Variants in DOCK2 observed in about 807,000 individuals in gnomAD.
DOCK2 encodes the protein dedicator of cytokinesis protein 2.
A neutral mutation model predicts 248.9 loss-of-function variants in DOCK2; 87 were observed. The observed-to-expected ratio is 0.35, with a 90% CI of 0.29 to 0.42. DOCK2 has a LOEUF of 0.42. DOCK2 is among the 10% of genes least tolerant of loss of function. DOCK2 has a pLI of 1.00. For synonymous variants in DOCK2, 805 were observed against 821.6 expected, an observed-to-expected ratio of 0.98 and a Z score of 0.35; for missense variants, 1,747 against 2,300.2, an observed-to-expected ratio of 0.76 and a Z score of 4.92.
chr5:170,068,574 G>C (rs562790343), intron 45 of DOCK2, among the ~76,000 whole-genome samples: 8 of 152,162 alleles, frequency 5.3e-5, no homozygotes, highest in Non-Finnish European at 8.8e-5. Context: ...CCTTTGCTCA[G>C]CCTTGAGCAG....
intron 22 of DOCK2, among the ~76,000 whole-genome samples, chr5:169,719,543 C>T (rs1342910323): frequency 6.6e-6 from 1 of 152,188 alleles, no homozygotes; most frequent in Non-Finnish European, 1.5e-5. Context: ...TATTTCACAT[C>T]ATTGAAAAAC....
At chr5:169,696,896 G>A (rs188873680) in intron 10 of DOCK2, among the ~76,000 whole-genome samples, 4 of 151,680 alleles carry the variant, frequency 2.6e-5, no homozygotes, top group African/African-American at 4.8e-5. Context: ...ATTTTCCCCA[G>A]AGCCTTAGTT....
At chr5:170,026,407 A>C (rs1228640643) in intron 33 of DOCK2, among the ~76,000 whole-genome samples, 2 of 152,120 alleles carry the variant, frequency 1.3e-5, no homozygotes, top group Admixed American at 1.3e-4. Context: ...GTCACATTTA[A>C]AGGTGATCCG....
chr5:170,022,359 C>A (rs1396113321), intron 33 of DOCK2, among the ~76,000 whole-genome samples: 1 of 152,202 alleles, frequency 6.6e-6, no homozygotes, highest in African/African-American at 2.4e-5. Context: ...GAGGCAACCC[C>A]AGGGCAATCT....
intron 27 of DOCK2, among the ~76,000 whole-genome samples, chr5:169,926,246 T>A (rs1236639252): frequency 6.6e-6 from 1 of 152,206 alleles, no homozygotes; most frequent in Non-Finnish European, 1.5e-5. Context: ...ACTCACCTGA[T>A]TGTCTCTCAC....
At chr5:169,954,162 T>C (rs147954850) in intron 27 of DOCK2, among the ~76,000 whole-genome samples, 1 of 152,354 alleles carries the variant, frequency 6.6e-6, no homozygotes, top group African/African-American at 2.4e-5. Flanking sequence ...TGCTGTAGTA[T>C]GTTTAAAAGA....
intron 27 of DOCK2, chr5:169,934,893 T>C (rs919653604): frequency 4.0e-5 from 14 of 347,398 alleles, no homozygotes; most frequent in Non-Finnish European, 7.4e-5. Flanking sequence ...TTACACTTGA[T>C]ATTTATTCTG....
intron 15 of DOCK2, among the ~76,000 whole-genome samples, chr5:169,709,841 A>G (rs2113515639): frequency 6.6e-6 from 1 of 152,346 alleles, no homozygotes; most frequent in Non-Finnish European, 1.5e-5. Context: ...AGAGCCCTTG[A>G]GATGTAAATG....
intron 25 of DOCK2, among the ~76,000 whole-genome samples, chr5:169,778,620 G>A (rs964917196): frequency 6.6e-6 from 1 of 152,162 alleles, no homozygotes; most frequent in African/African-American, 2.4e-5. Context: ...TACTTGCCTG[G>A]TAGAGTCATT....
chr5:170,076,789 C>G (rs934117325), intron 47 of DOCK2, among the ~76,000 whole-genome samples: 1 of 152,160 alleles, frequency 6.6e-6, no homozygotes, highest in African/African-American at 2.4e-5. Context: ...TCTCTTGATT[C>G]AAAGATTTTT....
chr5:169,701,235 C>A (rs568601816), intron 13 of DOCK2, among the ~76,000 whole-genome samples: 1 of 152,354 alleles, frequency 6.6e-6, no homozygotes, highest in South Asian at 2.1e-4. Context: ...TTGCCCGATT[C>A]TAGAATTGCA....
chr5:170,064,880 C>T (rs1757439493), intron 44 of DOCK2, among the ~76,000 whole-genome samples: 2 of 152,102 alleles, frequency 1.3e-5, no homozygotes, highest in African/African-American at 4.8e-5. Context: ...GTTCTTCAAG[C>T]TGAAGGAAGA....
intron 22 of DOCK2, among the ~76,000 whole-genome samples, chr5:169,734,286 C>T (rs1762925822): frequency 6.6e-6 from 1 of 151,960 alleles, no homozygotes; most frequent in Non-Finnish European, 1.5e-5. Flanking sequence ...TATTTTCAAG[C>T]ATCTTTTTAA....
At chr5:169,638,210 G>A (rs577119812) in intron 1 of DOCK2, among the ~76,000 whole-genome samples, 4 of 152,300 alleles carry the variant, frequency 2.6e-5, no homozygotes, top group African/African-American at 9.6e-5. Flanking sequence ...TTTCGCAGGT[G>A]AGGCATTGGA....
intron 25 of DOCK2, among the ~76,000 whole-genome samples, chr5:169,766,994 G>A (rs865958840): frequency 1.5e-4 from 23 of 152,288 alleles, no homozygotes; most frequent in Admixed American, 4.6e-4. Context: ...GTCCTCTGGC[G>A]ATCTGCCTGC....
At chr5:169,787,883 A>G (rs1474654271) in intron 25 of DOCK2, among the ~76,000 whole-genome samples, 1 of 151,336 alleles carries the variant, frequency 6.6e-6, no homozygotes, top group African/African-American at 2.4e-5. Flanking sequence ...AGCACCACCA[A>G]ATAAAATTAA....
At chr5:169,823,289 G>C (rs564171413) in intron 26 of DOCK2, among the ~76,000 whole-genome samples, 6 of 152,202 alleles carry the variant, frequency 3.9e-5, no homozygotes, top group African/African-American at 1.4e-4. Context: ...CATCATCCTG[G>C]TACCAAAGCC....
intron 2 of DOCK2, among the ~76,000 whole-genome samples, chr5:169,655,263 G>A (rs1561572253): frequency 6.6e-6 from 1 of 152,152 alleles, no homozygotes; most frequent in Non-Finnish European, 1.5e-5. Context: ...CTCCTACCTG[G>A]GCCTGCTGAT....
intron 32 of DOCK2, among the ~76,000 whole-genome samples, chr5:170,017,924 G>T (rs1438022713): frequency 6.6e-6 from 1 of 152,138 alleles, no homozygotes; most frequent in Non-Finnish European, 1.5e-5. Flanking sequence ...ATTTTTATGA[G>T]ACATATATAC....
Sources: gnomAD v4.1 joint callset for allele counts (sites outside exome capture counted in the v4.1 genomes callset) on GRCh38, gnomAD v4.1.1 for gene constraint, MANE v1.5 for transcripts, NCBI Gene and HGNC (gene_info 2026-07-23, HGNC 2026-07-21) for gene names.